The following STARD6 variants were observed in gnomAD, a reference collection of about 807,000 sequenced individuals.
STARD6 encodes the protein StAR related lipid transfer domain containing 6.
In STARD6, 21 loss-of-function variants were observed where a neutral mutation model predicts 22.3. The observed-to-expected ratio is 0.94, with a 90% CI of 0.67 to 1.35. STARD6 has a LOEUF of 1.35. Among genes scored for constraint, STARD6 ranks in the 40% most tolerant of loss-of-function variants. The probability of loss-of-function intolerance (pLI) is 0.00; values close to 1 mark genes in which losing one functional copy is unlikely to be tolerated. For missense variants in STARD6, 269 were observed against 266.9 expected, an observed-to-expected ratio of 1.01 and a Z score of -0.05; for synonymous variants, 80 against 88.1, an observed-to-expected ratio of 0.91 and a Z score of 0.52.
intron 4 of STARD6, among the ~76,000 whole-genome samples, chr18:54,348,224 T>C (rs1357110870): frequency 6.6e-6 from 1 of 152,108 alleles, no homozygotes; most frequent in African/African-American, 2.4e-5. Flanking sequence ...CTGAATGCTT[T>C]AATTTATAAA....
At chr18:54,329,296 A>C in intron 7 of STARD6, 51 bp downstream of exon 7, 3 of 1,422,422 alleles carry the variant, frequency 2.1e-6, no homozygotes, top group Non-Finnish European at 2.9e-6. Context: ...ACTAAATCAC[A>C]AGTTGAACTA....
chr18:54,348,032 T>A (rs942430479), intron 4 of STARD6, among the ~76,000 whole-genome samples: 2 of 152,094 alleles, frequency 1.3e-5, no homozygotes, highest in Non-Finnish European at 2.9e-5. Context: ...CCTTTTCACT[T>A]GTCTCTCAAT....
chr18:54,331,073 G>C (rs1368824611), intron 6 of STARD6, among the ~76,000 whole-genome samples: 5 of 151,944 alleles, frequency 3.3e-5, no homozygotes, highest in Non-Finnish European at 7.4e-5. Context: ...GTTGTCCCTG[G>C]TGCCAAGTAG....
At chr18:54,355,271 A>C (rs963769181) in intron 2 of STARD6, among the ~76,000 whole-genome samples, 1 of 152,012 alleles carries the variant, frequency 6.6e-6, no homozygotes, top group Non-Finnish European at 1.5e-5. Flanking sequence ...TGTTCATATA[A>C]CTGACTGTTT....
chr18:54,324,942 T>G, intron 7 of STARD6, 67 bp from the exon 8 acceptor site: 1 of 1,313,818 alleles, frequency 7.6e-7, no homozygotes. Flanking sequence ...CTTTACAGGT[T>G]TTTGGAGAGC....
chr18:54,354,575 T>G lies in STARD6; in HGVS notation c.-2A>C. On this transcript the variant is annotated splice_region_variant and 5_prime_UTR_variant, in exon 3 of 8. Transcript: ENST00000307844. ...TTGGGCAATTGCCTTGAAGTCCATC[T>G]ATCTGCAAGTTTTAAAAACAAACAA... 6.2e-7 allele frequency: 1 copy of G among 1,609,056 alleles called. No homozygotes were observed.
intron 4 of STARD6, among the ~76,000 whole-genome samples, chr18:54,339,044 CAAAAAAAA>C (rs760501311): frequency 8.7e-4 from 9 of 10,402 alleles, no homozygotes; most frequent in African/African-American, 1.6e-3. Context: ...GAGACTCCAT[CAAAAAAAA>C]AAAAAAAAAA....
At chr18:54,353,888 C>T in intron 4 of STARD6, 166 bp downstream of exon 4, 1 of 433,192 alleles carries the variant, frequency 2.3e-6, no homozygotes. Context: ...TAGATGGTAT[C>T]TGATTGCTGT....
At chr18:54,343,809 C>CGGGA (rs2089008966) in intron 4 of STARD6, among the ~76,000 whole-genome samples, 1 of 69,490 alleles carries the variant, frequency 1.4e-5, no homozygotes, top group Non-Finnish European at 3.0e-5. Flanking sequence ...CCGCCCCGTC[C>CGGGA]GGGAGGTGAG....
At chr18:54,343,421 G>A (rs1443949716) in intron 4 of STARD6, among the ~76,000 whole-genome samples, 2 of 140,518 alleles carry the variant, frequency 1.4e-5, no homozygotes, top group East Asian at 4.2e-4. Context: ...GGGAGGTGGG[G>A]GGGTCAGCCC....
chr18:54,329,225 G>C (rs1263679387), intron 7 of STARD6, 122 bp downstream of exon 7: 2 of 721,018 alleles, frequency 2.8e-6, no homozygotes, highest in Admixed American at 2.9e-5. Flanking sequence ...TTTAGGGGAA[G>C]TTTTTTTCCC....
intron 7 of STARD6, among the ~76,000 whole-genome samples, chr18:54,327,267 T>A (rs2088831941): frequency 6.6e-6 from 1 of 152,188 alleles, no homozygotes; most frequent in Admixed American, 6.5e-5. Context: ...TATATAATGA[T>A]AACAACTTAA....
At chr18:54,346,299 G>A (rs1025146276) in intron 4 of STARD6, among the ~76,000 whole-genome samples, 4 of 152,022 alleles carry the variant, frequency 2.6e-5, no homozygotes, top group African/African-American at 7.2e-5. Context: ...CAATATGCAC[G>A]TAAGAAGAAG....
intron 4 of STARD6, among the ~76,000 whole-genome samples, chr18:54,341,216 C>T (rs915636061): frequency 3.9e-5 from 6 of 152,128 alleles, no homozygotes; most frequent in Non-Finnish European, 8.8e-5. Context: ...CCCGCCACTG[C>T]GCCCGGCTAA....
chr18:54,355,350 C>T (rs80177943), intron 2 of STARD6, among the ~76,000 whole-genome samples: 1 of 152,218 alleles, frequency 6.6e-6, no homozygotes, highest in African/African-American at 2.4e-5. Flanking sequence ...AATTTAAACA[C>T]ATTGAACCCT....
chr18:54,340,819 A>T (rs1329970405), intron 4 of STARD6, among the ~76,000 whole-genome samples: 4 of 152,244 alleles, frequency 2.6e-5, no homozygotes, highest in African/African-American at 9.6e-5. Flanking sequence ...ATGGAACCAT[A>T]GTGAGCTGAG....
At chr18:54,335,871 C>T (rs2088906528) in intron 5 of STARD6, among the ~76,000 whole-genome samples, 3 of 152,058 alleles carry the variant, frequency 2.0e-5, no homozygotes, top group South Asian at 2.1e-4. Context: ...CTGAGGCCTC[C>T]GAGTCATGCT....
At chr18:54,344,589 A>AC (rs1232155015) in intron 4 of STARD6, among the ~76,000 whole-genome samples, 2 of 147,466 alleles carry the variant, frequency 1.4e-5, no homozygotes, top group Middle Eastern at 3.2e-3. Context: ...AAATTAAAAA[A>AC]AAAAAAAAAA....
At chr18:54,343,336 T>C (rs2088996551) in intron 4 of STARD6, among the ~76,000 whole-genome samples, 1 of 141,342 alleles carries the variant, frequency 7.1e-6, no homozygotes, top group Non-Finnish European at 1.6e-5. Flanking sequence ...GAGGAGCATC[T>C]CCGCCCGGCA....
Sources: allele counts gnomAD v4.1 joint callset (sites outside exome capture counted in the v4.1 genomes callset), GRCh38; gene constraint gnomAD v4.1.1; transcripts MANE v1.5; gene names NCBI Gene and HGNC (gene_info 2026-07-23, HGNC 2026-07-21).